Variants in PDCD1LG2 observed in about 807,000 individuals in gnomAD.
PDCD1LG2 encodes B7 dendritic cell molecule.
Under a neutral mutation model 28.2 loss-of-function variants are expected in PDCD1LG2, and 32 were observed. The ratio of observed to expected loss-of-function variants is 1.13; its 90% CI spans 0.86 to 1.52. The LOEUF is 1.52. Ranked by LOEUF, PDCD1LG2 falls within the 40% of genes most tolerant of loss-of-function variation. The pLI is 0.00. For missense variants in PDCD1LG2, 385 were observed against 323.8 expected (o/e 1.19, Z -1.45); for synonymous variants, 116 against 120.2 (o/e 0.97, Z 0.23).
intron 3 of PDCD1LG2, among the ~76,000 whole-genome samples, chr9:5,541,248 C>A (rs1303333822): frequency 6.6e-6 from 1 of 152,146 alleles, no homozygotes; most frequent in Non-Finnish European, 1.5e-5. Flanking sequence ...AAACCCACAG[C>A]CAACATTATG....
At chr9:5,516,678 T>A (rs1157696987) in intron 1 of PDCD1LG2, among the ~76,000 whole-genome samples, 2 of 152,214 alleles carry the variant, frequency 1.3e-5, no homozygotes, top group African/African-American at 4.8e-5. Flanking sequence ...TCTGTGCTTG[T>A]CAGCACCCAA....
chr9:5,526,707 A>C (rs1217602901), intron 2 of PDCD1LG2, among the ~76,000 whole-genome samples: 1 of 152,164 alleles, frequency 6.6e-6, no homozygotes, highest in East Asian at 1.9e-4. Context: ...CAAAGCACTG[A>C]GATCACAGGT....
intron 4 of PDCD1LG2, among the ~76,000 whole-genome samples, chr9:5,552,597 G>C (rs918447009): frequency 3.3e-5 from 5 of 152,108 alleles, no homozygotes; most frequent in African/African-American, 1.2e-4. Flanking sequence ...GTTGGGGTGA[G>C]GCAGACATGG....
At chr9:5,515,044 G>C (rs925112713) in intron 1 of PDCD1LG2, among the ~76,000 whole-genome samples, 1 of 152,170 alleles carries the variant, frequency 6.6e-6, no homozygotes, top group Non-Finnish European at 1.5e-5. Context: ...ACCCTCATAA[G>C]TGATAATGAC....
intron 4 of PDCD1LG2, among the ~76,000 whole-genome samples, 175 bp downstream of exon 4, chr9:5,549,779 G>T (rs1021219985): frequency 6.6e-6 from 1 of 152,206 alleles, no homozygotes; most frequent in Non-Finnish European, 1.5e-5. Context: ...TGTTGGGAGG[G>T]CAATTACCAC....
At chr9:5,526,272 G>A (rs1386891984) in intron 2 of PDCD1LG2, among the ~76,000 whole-genome samples, 1 of 152,034 alleles carries the variant, frequency 6.6e-6, no homozygotes, top group Admixed American at 6.6e-5. Context: ...CAACTATAAA[G>A]CTTAACATTA....
intron 4 of PDCD1LG2, among the ~76,000 whole-genome samples, chr9:5,556,322 A>G (rs1013339791): frequency 5.9e-5 from 9 of 152,204 alleles, no homozygotes; most frequent in African/African-American, 2.2e-4. Flanking sequence ...AGAAATTAAG[A>G]AGCAGATTAT....
intron 4 of PDCD1LG2, among the ~76,000 whole-genome samples, chr9:5,554,999 G>T (rs1816408712): frequency 6.8e-6 from 1 of 146,736 alleles, no homozygotes; most frequent in South Asian, 2.1e-4. Context: ...CAGAAAGTGT[G>T]CAAACAGTAA....
chr9:5,521,316 G>T (rs532915177), intron 1 of PDCD1LG2, among the ~76,000 whole-genome samples: 13 of 152,208 alleles, frequency 8.5e-5, no homozygotes, highest in Admixed American at 4.6e-4. Context: ...GCACAACTCC[G>T]TGAACATACT....
chr9:5,516,321 A>T (rs1162494002), intron 1 of PDCD1LG2, among the ~76,000 whole-genome samples: 1 of 152,146 alleles, frequency 6.6e-6, no homozygotes, highest in African/African-American at 2.4e-5. Flanking sequence ...AAGTGCTGGG[A>T]TTACAGGCAT....
In PDCD1LG2 at chr9:5,563,049, G is replaced by A. The variant is rs1816596836; in HGVS notation, c.767-113G>A. ...GTCCCAGGCCACAGTGAACATTTGG[G>A]CTTCGCTATGTGGATTTATTTAGAT... is the stretch of plus-strand genomic sequence containing the variant. On this transcript the variant is annotated intron_variant, in intron 5 of 6. Coordinates refer to ENST00000397747, the MANE Select transcript of PDCD1LG2 (RefSeq NM_025239.4). The A allele has an allele frequency of 4.6e-6, 4 of 870,186 alleles. No individual in the cohort carries two copies. In the Admixed American group the frequency reaches 7.3e-5, roughly 16 times the overall value. 53.9% of individuals were successfully genotyped at this position (870,186 alleles called of 1,614,324 possible).
At position 5,535,000 on chromosome 9, in the gene PDCD1LG2, T is replaced by G. The variant is rs777037214; in HGVS notation, c.311T>G (p.Ile104Ser). Residue 104 changes from isoleucine (I) to serine (S), a missense_variant, in exon 3 of 7, where the codon ATC (isoleucine) becomes AGC (serine). Coordinates refer to ENST00000397747, the MANE Select transcript of PDCD1LG2 (RefSeq NM_025239.4). ...VRDEGQYQCI[I>S]IYGVAWDYKY... is the part of the protein sequence containing the mutation. ...GACGAAGGACAGTACCAATGCATAATCATCTATGGGGTCGCCTGGGACTAC... is the reference window on the plus strand; with the variant it reads ...GACGAAGGACAGTACCAATGCATAAGCATCTATGGGGTCGCCTGGGACTAC... 2.3e-5 allele frequency: 37 copies of G among 1,613,816 alleles called. No homozygotes were observed. The highest frequency in any genetic ancestry group is 1.7e-5 in the Admixed American group (1 of 59,986).
At chr9:5,539,437 T>C (rs1820647187) in intron 3 of PDCD1LG2, among the ~76,000 whole-genome samples, 1 of 152,194 alleles carries the variant, frequency 6.6e-6, no homozygotes, top group Non-Finnish European at 1.5e-5. Context: ...AATGGGTTTG[T>C]TTATAGCACC....
chr9:5,560,095 T>C (rs1816529785), intron 5 of PDCD1LG2, among the ~76,000 whole-genome samples: 1 of 152,242 alleles, frequency 6.6e-6, no homozygotes, highest in Admixed American at 6.5e-5. Context: ...ATCCCCTTAT[T>C]ATATGTTTCC....
intron 1 of PDCD1LG2, among the ~76,000 whole-genome samples, chr9:5,522,258 GTGGTTCACAAGGAC>G (rs894929839): frequency 1.3e-5 from 2 of 152,230 alleles, no homozygotes; most frequent in Non-Finnish European, 2.9e-5. Context: ...GCCAATATGT[GTGGTTCACAAGGAC>G]TGGTTCATAT....
At chr9:5,542,289 A>G (rs1191356734) in intron 3 of PDCD1LG2, among the ~76,000 whole-genome samples, 1 of 152,344 alleles carries the variant, frequency 6.6e-6, no homozygotes, top group East Asian at 1.9e-4. Flanking sequence ...TTCGTGACCA[A>G]GAACCCAAAA....
At chr9:5,566,654 T>C (rs1227085944) in intron 6 of PDCD1LG2, among the ~76,000 whole-genome samples, 2 of 152,166 alleles carry the variant, frequency 1.3e-5, no homozygotes, top group South Asian at 4.1e-4. Flanking sequence ...TGAACAAGAA[T>C]AAGCTTTTGT....
At chr9:5,558,187 G>C (rs757034008) in intron 5 of PDCD1LG2, among the ~76,000 whole-genome samples, 4 of 152,120 alleles carry the variant, frequency 2.6e-5, no homozygotes, top group Non-Finnish European at 5.9e-5. Context: ...CCTCTCCCAG[G>C]AATCTCAACC....
At chr9:5,550,483 C>G (rs968829318) in intron 4 of PDCD1LG2, among the ~76,000 whole-genome samples, 1 of 152,166 alleles carries the variant, frequency 6.6e-6, no homozygotes, top group Admixed American at 6.5e-5. Context: ...TTATCTGATA[C>G]TTATGGAGGT....
Sources: gnomAD v4.1 joint callset for allele counts (sites outside exome capture counted in the v4.1 genomes callset) on GRCh38, gnomAD v4.1.1 for gene constraint, MANE v1.5 for transcripts, NCBI Gene and HGNC (gene_info 2026-07-23, HGNC 2026-07-21) for gene names.